The following GALNT14 variants were observed in gnomAD, a reference collection of about 807,000 sequenced individuals.
GALNT14 encodes the protein polypeptide N-acetylgalactosaminyltransferase 14.
A neutral mutation model predicts 77.5 loss-of-function variants in GALNT14; 60 were observed. The ratio of observed to expected loss-of-function variants is 0.77; its 90% CI spans 0.63 to 0.96. The LOEUF is 0.96. Among genes scored for constraint, GALNT14 ranks in the 40% least tolerant of loss-of-function variants. The pLI, the probability that GALNT14 is intolerant of heterozygous loss-of-function variation, is 0.00. For synonymous variants in GALNT14, 280 were observed against 281.7 expected (o/e 0.99, Z 0.06); for missense variants, 710 against 731.0 (o/e 0.97, Z 0.33).
chr2:30,902,446 A>C, the GALNT14 span, among the ~76,000 whole-genome samples: 1 of 152,068 alleles, frequency 6.6e-6, no homozygotes, highest in Non-Finnish European at 1.5e-5. Context: ...ACTACCCTCC[A>C]CATCCTTTAA....
the GALNT14 span, among the ~76,000 whole-genome samples, chr2:30,894,969 G>C: frequency 6.6e-6 from 1 of 152,206 alleles, no homozygotes; most frequent in African/African-American, 2.4e-5. Context: ...GCACCTGACT[G>C]TCCATTGGCA....
intron 1 of GALNT14, among the ~76,000 whole-genome samples, chr2:31,088,828 C>A (rs539004832): frequency 6.6e-6 from 1 of 151,986 alleles, no homozygotes; most frequent in Non-Finnish European, 1.5e-5. Flanking sequence ...TTTGGCAGGG[C>A]GATGCCCATG....
In GALNT14 at chr2:31,043,032, T is replaced by C. The variant is rs189188192; in HGVS notation, c.130-50025A>G. Among the ~76,000 whole-genome samples, 66 of 152,270 alleles carry C rather than the reference T, an allele frequency of 4.3e-4. 1 individual carries two copies. In the East Asian group the frequency reaches 7.2e-3, roughly 17 times the overall value. ...CGGTCACCTGTCTCACCTCACCTCCTACTTCTCCCCTTTCTCCTCATCCCA... is the reference window on the plus strand; with the variant it reads ...CGGTCACCTGTCTCACCTCACCTCCCACTTCTCCCCTTTCTCCTCATCCCA... On this transcript the variant is annotated intron_variant, in intron 1 of 14. Transcript: ENST00000349752.
At chr2:30,923,732 C>A (rs1023889949) in intron 13 of GALNT14, among the ~76,000 whole-genome samples, 1 of 152,162 alleles carries the variant, frequency 6.6e-6, no homozygotes, top group Non-Finnish European at 1.5e-5. Flanking sequence ...GCAGTGTCAC[C>A]CAGCGGCAGT....
chr2:30,889,160 A>G, the GALNT14 span, among the ~76,000 whole-genome samples: 1 of 152,162 alleles, frequency 6.6e-6, no homozygotes, highest in Non-Finnish European at 1.5e-5. Context: ...CTGTCTAGAT[A>G]GGGACTGTGC....
At chr2:31,030,656 C>G (rs968609095) in intron 1 of GALNT14, among the ~76,000 whole-genome samples, 2 of 152,210 alleles carry the variant, frequency 1.3e-5, no homozygotes, top group Non-Finnish European at 2.9e-5. Context: ...TCCCACTGAC[C>G]TGCTGGAGCA....
intron 1 of GALNT14, among the ~76,000 whole-genome samples, chr2:31,124,075 C>G (rs1196154176): frequency 6.6e-6 from 1 of 152,210 alleles, no homozygotes; most frequent in African/African-American, 2.4e-5. Context: ...GCTTCCCACA[C>G]AGCAGCACCC....
intron 1 of GALNT14, among the ~76,000 whole-genome samples, chr2:31,014,273 C>CA (rs1483598294): frequency 6.6e-6 from 1 of 152,078 alleles, no homozygotes; most frequent in African/African-American, 2.4e-5. Flanking sequence ...CCTTCCTCCC[C>CA]AAAAAAGGCA....
intron 1 of GALNT14, among the ~76,000 whole-genome samples, chr2:30,998,912 C>T (rs887001171): frequency 6.6e-6 from 1 of 152,206 alleles, no homozygotes; most frequent in African/African-American, 2.4e-5. Context: ...TTCTTTGCTT[C>T]GGGCTATTCC....
chr2:31,070,768 T>C (rs1675312795), intron 1 of GALNT14, among the ~76,000 whole-genome samples: 1 of 152,192 alleles, frequency 6.6e-6, no homozygotes, highest in Admixed American at 6.5e-5. Flanking sequence ...AAATCCTTTG[T>C]CCAATTGCAA....
intron 1 of GALNT14, among the ~76,000 whole-genome samples, chr2:31,130,734 C>CTG (rs4020220): frequency 0.051 from 5,967 of 117,350 alleles, 167 homozygotes; most frequent in Non-Finnish European, 0.062. Context: ...CAGGGTACCT[C>CTG]TGTGTGTGTG....
chr2:31,082,089 G>C (rs1228724789), intron 1 of GALNT14, among the ~76,000 whole-genome samples: 1 of 152,160 alleles, frequency 6.6e-6, no homozygotes, highest in African/African-American at 2.4e-5. Flanking sequence ...TCCCAGTAAG[G>C]CCAACCACGC....
the GALNT14 span, among the ~76,000 whole-genome samples, chr2:30,903,928 T>C: frequency 3.9e-4 from 59 of 152,334 alleles, no homozygotes; most frequent in African/African-American, 1.3e-3. Context: ...ACAACCACCA[T>C]AACCCATTCC....
intron 1 of GALNT14, among the ~76,000 whole-genome samples, chr2:31,108,999 T>A (rs1487103503): frequency 1.3e-5 from 2 of 152,200 alleles, no homozygotes; most frequent in Non-Finnish European, 2.9e-5. Context: ...AGAGGGCAAG[T>A]AGACCTGATC....
intron 2 of GALNT14, among the ~76,000 whole-genome samples, chr2:30,989,583 A>ATATATATATATAAAT (rs56703340): frequency 0.016 from 1,448 of 91,684 alleles, 37 homozygotes; most frequent in Middle Eastern, 0.029. Context: ...TATATATATA[A>ATATATATATATAAAT]AAATATATAT....
the GALNT14 span, among the ~76,000 whole-genome samples, chr2:30,892,808 T>C: frequency 6.2e-4 from 94 of 152,310 alleles, 1 homozygote; most frequent in Non-Finnish European, 7.3e-5. Flanking sequence ...TGCCTTTATC[T>C]CTGATCCAGG....
chr2:30,972,670 T>A (rs1022359847), intron 2 of GALNT14, among the ~76,000 whole-genome samples: 5 of 152,212 alleles, frequency 3.3e-5, no homozygotes, highest in African/African-American at 1.2e-4. Context: ...GAACCAGGAC[T>A]GTTCCAATTG....
Position 30,967,774 on chromosome 2 carries a change from TCCA to T in GALNT14, c.300-1475_300-1473del, listed in dbSNP as rs531086008. Among the ~76,000 whole-genome samples, 112 of 152,330 alleles carry T rather than the reference TCCA, an allele frequency of 7.4e-4. 1 individual carries two copies. The highest frequency in any genetic ancestry group is 3.4e-3 in the Middle Eastern group (1 of 294). ...CTCTGCCCCTGCCAGTCATGTCCTG[TCCA>T]CCACATAGCTCTGCCAAAGCTTCCT... is the stretch of plus-strand genomic sequence containing the variant. On this transcript the variant is annotated intron_variant, in intron 2 of 14. Coordinates refer to ENST00000349752, the MANE Select transcript of GALNT14 (RefSeq NM_024572.4).
chr2:30,978,770 G>A (rs556718511), intron 2 of GALNT14, among the ~76,000 whole-genome samples: 3 of 152,300 alleles, frequency 2.0e-5, no homozygotes, highest in Non-Finnish European at 4.4e-5. Context: ...GCCAGGCACC[G>A]TGCTAGGCTC....
Sources: gnomAD v4.1 joint callset for allele counts (sites outside exome capture counted in the v4.1 genomes callset) on GRCh38, gnomAD v4.1.1 for gene constraint, MANE v1.5 for transcripts, NCBI Gene and HGNC (gene_info 2026-07-23, HGNC 2026-07-21) for gene names.